GCN1: variants seen among roughly 807,000 people sequenced by gnomAD.
GCN1 encodes GCN1 activator of EIF2AK4.
GCN1 carries 90 observed loss-of-function variants against 288.4 expected under a neutral mutation model. That is an observed-to-expected ratio of 0.31 (90% CI 0.26 to 0.37). GCN1 has a LOEUF of 0.37. Ranked by LOEUF, GCN1 falls within the 10% of genes least tolerant of loss-of-function variation. The pLI is 1.00. For missense variants in GCN1, 2,586 were observed against 3,419.9 expected (o/e 0.76, Z 6.08); for synonymous variants, 1,386 against 1,420.2 (o/e 0.98, Z 0.54).
In GCN1 at chr12:120,157,048, G is replaced by A; in HGVS notation, c.3088-56C>T. 3 of 1,169,014 alleles carry A rather than the reference G, an allele frequency of 2.6e-6. No individual in the cohort carries two copies. In the South Asian group the frequency reaches 3.7e-5, roughly 14 times the overall value. 72.4% of individuals were successfully genotyped at this position (1,169,014 alleles called of 1,614,324 possible). ...AGGCTGTGGGGAGGTCTGTAACCCA[G>A]GCGGCCAACGGCAGGGCATCCTCTC... On this transcript the variant is annotated intron_variant, in intron 26 of 57. Transcript: ENST00000300648.
intron 14 of GCN1, 150 bp downstream of exon 14, chr12:120,173,503 G>C: frequency 5.0e-6 from 3 of 602,102 alleles, no homozygotes; most frequent in Non-Finnish European, 8.8e-6. Flanking sequence ...CGGATTTTGG[G>C]CTAAGCCCAA....
At chr12:120,169,296 G>GAA (rs767645879) in intron 15 of GCN1, among the ~76,000 whole-genome samples, 2 of 55,732 alleles carry the variant, frequency 3.6e-5, no homozygotes, top group African/African-American at 2.0e-4. Context: ...AAAAAAAAAA[G>GAA]AAAAAAAAAA....
chr12:120,180,994 A>AG (rs1353571494), intron 5 of GCN1, among the ~76,000 whole-genome samples: 1 of 151,322 alleles, frequency 6.6e-6, no homozygotes, highest in African/African-American at 2.4e-5. Flanking sequence ...TCCGTCTCAA[A>AG]AAAAAAAAAA....
chr12:120,140,714 C>G (rs1877160205), intron 45 of GCN1, 145 bp downstream of exon 45: 2 of 707,494 alleles, frequency 2.8e-6, no homozygotes, highest in South Asian at 4.5e-5. Flanking sequence ...TGTGGCCCAG[C>G]CAGCACCTCC....
rs182556738 is a variant in GCN1 at position 120,142,802 on chromosome 12, G to C, written c.5613+22C>G. 3 of 1,596,630 alleles carry C rather than the reference G, an allele frequency of 1.9e-6. No homozygotes were observed. ...AGGGCACACCCTACCATCAGCAGGG[G>C]CAGGAAAGCCACTGCAGGCACCTTG... On this transcript the variant is annotated intron_variant, in intron 43 of 57. Coordinates refer to ENST00000300648, the MANE Select transcript of GCN1 (RefSeq NM_006836.2). This position sits in a 1 kb window ranked among gnomAD's most constrained non-coding sequence, Gnocchi z 4.9.
intron 14 of GCN1, among the ~76,000 whole-genome samples, chr12:120,171,873 T>C (rs969123146): frequency 1.3e-5 from 2 of 152,220 alleles, no homozygotes; most frequent in African/African-American, 4.8e-5. Flanking sequence ...TGCAAACTGA[T>C]ATATATAGTA....
chr12:120,166,039 C>T (rs900842395), intron 16 of GCN1, among the ~76,000 whole-genome samples: 9 of 152,144 alleles, frequency 5.9e-5, no homozygotes, highest in Non-Finnish European at 1.0e-4. Flanking sequence ...CTGCCCGCCT[C>T]GGCCTCCCAA....
Position 120,147,272 on chromosome 12 carries a change from G to T in GCN1, c.4727C>A (p.Ala1576Asp). The change falls in exon 38 of 58, where the codon GCC (alanine) becomes GAC (aspartate). Residue 1576 changes from alanine to aspartate, a missense_variant and splice_region_variant. Physicochemically the swap from Ala to Asp is moderately radical, Grantham distance 126. This residue lies in a region of GCN1 where 371 missense variants were observed against 572.6 expected (regional missense o/e 0.65). Transcript: ENST00000300648. The part of the protein sequence containing the change: ...GSVIRNPEIL[A>D]IAPVLLDALT... ...GGCATCCAGGAGGACTGGAGCAATG[G>T]CTGCACATCCAAAGAGAAGAGAGCT... The T allele has an allele frequency of 6.4e-7, 1 of 1,571,518 alleles. No individual in the cohort carries two copies. The highest frequency in any genetic ancestry group is 8.7e-7 in the Non-Finnish European group (1 of 1,147,910).
chr12:120,171,479 A>G (rs1261836397), intron 14 of GCN1, among the ~76,000 whole-genome samples: 1 of 152,040 alleles, frequency 6.6e-6, no homozygotes, highest in Admixed American at 6.6e-5. Context: ...AAAAAAAACT[A>G]TAGCTCAAGC....
Position 120,162,028 on chromosome 12 carries a change from C to G in GCN1, c.2194G>C (p.Val732Leu). The G allele has an allele frequency of 1.2e-6, 2 of 1,613,278 alleles. No homozygotes were observed. Among genetic ancestry groups the G allele is most frequent in the South Asian group, 2.2e-5 (2 of 91,052 alleles). ...SSMNAMGSLS[V>L]LSPDRVLPQL... is the part of the protein sequence containing the mutation. ...GGGAGGACCCGGTCCGGCGACAGGA[C>G]GGAAAGGGAGCCCATGGCATTCATG... Residue 732 changes from valine to leucine, a missense_variant, in exon 21 of 58, where the codon GTC becomes CTC. Coordinates refer to ENST00000300648, the MANE Select transcript of GCN1 (RefSeq NM_006836.2).
chr12:120,173,909 G>T, intron 13 of GCN1, 83 bp from the exon 14 acceptor site: 1 of 1,231,298 alleles, frequency 8.1e-7, no homozygotes, highest in Non-Finnish European at 1.2e-6. Context: ...AAACAAGCCA[G>T]AGTACAAGCG....
intron 20 of GCN1, 90 bp from the exon 21 acceptor site, chr12:120,162,148 C>T (rs1305616257): frequency 1.9e-6 from 2 of 1,058,798 alleles, no homozygotes; most frequent in African/African-American, 1.6e-5. Context: ...GCACTGGCTC[C>T]CCTTCTTTAT....
intron 26 of GCN1, chr12:120,157,241 G>A (rs1023904134): frequency 3.5e-5 from 16 of 452,340 alleles, no homozygotes; most frequent in Admixed American, 7.9e-5. Context: ...CAGAAAGACC[G>A]TAAATATATG....
intron 15 of GCN1, among the ~76,000 whole-genome samples, chr12:120,169,828 A>G (rs1183493958): frequency 6.6e-6 from 1 of 152,238 alleles, no homozygotes; most frequent in Non-Finnish European, 1.5e-5. Flanking sequence ...GACAGGGCTA[A>G]GGGGAAGCTT....
chr12:120,135,473 C>T (rs889653581), intron 51 of GCN1, among the ~76,000 whole-genome samples: 52 of 152,130 alleles, frequency 3.4e-4, no homozygotes, highest in African/African-American at 1.2e-3. Context: ...AAGCAATTCT[C>T]CTGCCTCAGC....
Position 120,153,666 on chromosome 12 carries a change from G to C in GCN1, c.3867+78C>G, listed in dbSNP as rs150449692. On this transcript the variant is annotated intron_variant, in intron 32 of 57. Transcript: ENST00000300648. The surrounding 1 kb of genome is among the most constrained non-coding windows in gnomAD (Gnocchi z 4.4). ...TTTCTGGCCCCTGCTCAGCCCTAGC[G>C]CCTGCCTCCCGTGTCTCCTTAGCGG... is the stretch of plus-strand genomic sequence containing the variant. 537 of 1,395,880 alleles carry C rather than the reference G, an allele frequency of 3.8e-4. No individual in the cohort carries two copies. The highest frequency in any genetic ancestry group is 7.7e-4 in the Admixed American group (43 of 56,166). The allele number at this position is 1,395,880 out of a possible 1,614,324, so 86.5% of individuals were successfully genotyped here. A position where few individuals can be genotyped will look rare whatever the true frequency, so the allele number is the denominator to read the frequency against.
Position 120,129,326 on chromosome 12 carries a change from G to C in GCN1, c.7840C>G (p.Gln2614Glu), listed in dbSNP as rs756874630. The part of the protein sequence containing the change: ...KNTVVRAYSD[Q>E]AIVNLLKMRQ... ...ATCTTGAGGAGGTTGACAATTGCCT[G>C]GTCGCTGTAGGCCCTGACCACGGTG... Residue 2614 changes from glutamine (Q) to glutamate (E), a missense_variant, in exon 57 of 58, where the codon CAG becomes GAG. Physicochemically the swap from Gln to Glu is conservative, Grantham distance 29 (BLOSUM62 2). Around this residue, in one of 8 missense-constraint regions of GCN1, gnomAD observed 355 missense variants for 431.1 expected, o/e 0.82. Transcript: ENST00000300648. 6.2e-7 allele frequency: 1 copy of C among 1,614,134 alleles called. No homozygotes were observed. The highest frequency in any genetic ancestry group is 8.5e-7 in the Non-Finnish European group (1 of 1,179,998).
Position 120,161,513 on chromosome 12 carries a change from T to A in GCN1, c.2413A>T (p.Ile805Phe). ...ACCTCCTTCAGCTCCAGCTCGATGA[T>A]CTGCTCTTTGAAGGAATAAGCTTTG... The part of the protein sequence containing the change: ...ENKAYSFKEQ[I>F]IELELKEEIK... Residue 805 changes from isoleucine to phenylalanine, a missense_variant, in exon 22 of 58, where the codon ATC (isoleucine) becomes TTC (phenylalanine). Physicochemically the swap from Ile to Phe is conservative, Grantham distance 21. Coordinates refer to ENST00000300648, the MANE Select transcript of GCN1 (RefSeq NM_006836.2). The A allele has an allele frequency of 1.2e-6, 2 of 1,613,450 alleles. No homozygotes were observed. Among genetic ancestry groups the A allele is most frequent in the Non-Finnish European group, 1.7e-6 (2 of 1,179,360 alleles).
At chr12:120,143,312 G>A (rs1877256244) in intron 42 of GCN1, among the ~76,000 whole-genome samples, 2 of 152,210 alleles carry the variant, frequency 1.3e-5, no homozygotes, top group South Asian at 4.1e-4. Context: ...GCCAGGTGTG[G>A]TGGCTCACGC....
Sources: gnomAD v4.1 joint callset for allele counts (sites outside exome capture counted in the v4.1 genomes callset) on GRCh38, gnomAD v4.1.1 for gene constraint, gnomAD v4.1.1 regional missense constraint, Gnocchi (gnomAD v3.1) non-coding constraint, MANE v1.5 for transcripts, NCBI Gene and HGNC (gene_info 2026-07-23, HGNC 2026-07-21) for gene names.